TENT4B: variants seen among roughly 807,000 people sequenced by gnomAD.
The protein encoded by TENT4B is PAP associated domain containing 5.
In TENT4B, 10 loss-of-function variants were observed where a neutral mutation model predicts 75.0. The observed-to-expected ratio is 0.13, with a 90% CI of 0.08 to 0.23. The LOEUF is 0.23. TENT4B is among the 10% of genes least tolerant of loss of function. TENT4B has a pLI of 1.00. For missense variants in TENT4B, 579 were observed against 893.8 expected, an observed-to-expected ratio of 0.65 and a Z score of 4.49; for synonymous variants, 350 against 357.7, an observed-to-expected ratio of 0.98 and a Z score of 0.24.
In TENT4B at chr16:50,235,216, T is replaced by TAGAAATGCAA; in HGVS notation, c.*5888_*5889insAGAAATGCAA. The TAGAAATGCAA allele has an allele frequency of 4.9e-6, 1 of 206,010 alleles. No homozygotes were observed. The highest frequency in any genetic ancestry group is 8.5e-6 in the Non-Finnish European group (1 of 117,188). 12.8% of individuals were successfully genotyped at this position (206,010 alleles called of 1,614,324 possible). ...TGCCTTGGAAATTTTATAAATTGCA[T>TAGAAATGCAA]TTCTATGCACATCGGCCTCTAGTGC... is the stretch of plus-strand genomic sequence containing the variant. On this transcript the variant is annotated 3_prime_UTR_variant, in exon 12 of 12. Coordinates refer to ENST00000561678, the MANE Select transcript of TENT4B (RefSeq NM_001365324.3).
chr16:50,169,520 T>G (rs1177258467), intron 1 of TENT4B, among the ~76,000 whole-genome samples: 1 of 151,828 alleles, frequency 6.6e-6, no homozygotes, highest in Non-Finnish European at 1.5e-5. Context: ...ATTTATTAAT[T>G]CATTATTTGG....
chr16:50,209,466 T>C (rs540971551), intron 1 of TENT4B, among the ~76,000 whole-genome samples: 65 of 152,326 alleles, frequency 4.3e-4, no homozygotes, highest in Non-Finnish European at 6.8e-4. Context: ...AAACGGAAGT[T>C]GAAGGTCCTG....
At chr16:50,226,102 C>T (rs919459052) in intron 10 of TENT4B, among the ~76,000 whole-genome samples, 34 of 151,784 alleles carry the variant, frequency 2.2e-4, no homozygotes, top group African/African-American at 2.9e-4. Context: ...TGGGTTCAAG[C>T]GATTCTCCTG....
chr16:50,223,137 C>A, intron 6 of TENT4B, 37 bp from the exon 7 acceptor site: 1 of 1,478,600 alleles, frequency 6.8e-7, no homozygotes, highest in Non-Finnish European at 9.2e-7. Context: ...GATAATTTAG[C>A]AAAAATCCAA....
intron 1 of TENT4B, among the ~76,000 whole-genome samples, chr16:50,156,158 A>G (rs1000647428): frequency 2.0e-5 from 3 of 152,146 alleles, no homozygotes; most frequent in Non-Finnish European, 2.9e-5. Context: ...AAAACTGCTT[A>G]TCACTTCACC....
intron 1 of TENT4B, among the ~76,000 whole-genome samples, chr16:50,196,523 TC>T (rs1428640109): frequency 6.6e-6 from 1 of 151,326 alleles, no homozygotes; most frequent in Non-Finnish European, 1.5e-5. Flanking sequence ...ATCATCATCA[TC>T]ATCTCCTTCA....
chr16:50,225,302 C>T lies in TENT4B; in HGVS notation c.1800+17C>T, dbSNP rs375486130. ...AGTGATGTAGTAAGTATGAAAGCCT[C>T]GGCTCTTCTGAACTCAGATGCATGC... On this transcript the variant is annotated intron_variant, in intron 10 of 11. Transcript: ENST00000561678. The T allele has an allele frequency of 4.3e-4, 689 of 1,595,414 alleles. 2 individuals carry two copies. The African/African-American group carries it at 8.3e-3, about 19-fold the overall frequency.
At chr16:50,171,577 CCAAGGCA>C (rs1567481475) in intron 1 of TENT4B, among the ~76,000 whole-genome samples, 24 of 151,786 alleles carry the variant, frequency 1.6e-4, no homozygotes, top group Admixed American at 7.9e-4. Flanking sequence ...TTTTTCTTGC[CCAAGGCA>C]TATACGGTTG....
At position 50,228,037 on chromosome 16, in the gene TENT4B, T is replaced by A. The variant is rs761795368; in HGVS notation, c.1965+34T>A. On this transcript the variant is annotated intron_variant, in intron 11 of 11. Coordinates refer to ENST00000561678, the MANE Select transcript of TENT4B (RefSeq NM_001365324.3). ...AACGTGGGTTTTTAATTGTTAGTAT[T>A]TGATACAAAATATTTAGAATTTCCC... 1.9e-6 allele frequency: 3 copies of A among 1,593,040 alleles called. No homozygotes were observed. In the African/African-American group the frequency reaches 4.0e-5, roughly 21 times the overall value.
At chr16:50,177,468 CT>C (rs1449038630) in intron 1 of TENT4B, among the ~76,000 whole-genome samples, 2 of 152,086 alleles carry the variant, frequency 1.3e-5, no homozygotes, top group Non-Finnish European at 2.9e-5. Flanking sequence ...TACATTGTGT[CT>C]TTCAAGAAAT....
intron 1 of TENT4B, among the ~76,000 whole-genome samples, chr16:50,167,265 G>GT (rs1267643185): frequency 1.3e-5 from 2 of 152,142 alleles, no homozygotes; most frequent in Non-Finnish European, 2.9e-5. Flanking sequence ...AAGTTTACAA[G>GT]TTTATGTTGG....
chr16:50,233,807 T>G lies in TENT4B; in HGVS notation c.*4479T>G. 1 of 985,434 alleles carries G rather than the reference T, an allele frequency of 1.0e-6. No homozygotes were observed. The highest frequency in any genetic ancestry group is 1.2e-6 in the Non-Finnish European group (1 of 829,916). The allele number at this position is 985,434 out of a possible 1,614,324, so 61.0% of individuals were successfully genotyped here. A position where few individuals can be genotyped will look rare whatever the true frequency, so the allele number is the denominator to read the frequency against. On this transcript the variant is annotated 3_prime_UTR_variant, in exon 12 of 12. Transcript: ENST00000561678. ...AAGGAGACAGAACCAGAGAGATGGA[T>G]GTAGTGCATTCCCTTTGGTTATTAC... is the stretch of plus-strand genomic sequence containing the variant.
rs577496155 is a variant in TENT4B, at chr16:50,230,120, T to TA, written c.*805dup. ...GGCAAATGATGTTTATTTTATTTTG[T>TA]AAAAAAAAAAAAATGTACTATGTAC... On this transcript the variant is annotated 3_prime_UTR_variant, in exon 12 of 12. Transcript: ENST00000561678. 0.02 allele frequency: 14,167 copies of TA among 697,194 alleles called. No individual in the cohort carries two copies. The highest frequency in any genetic ancestry group is 0.025 in the Middle Eastern group (35 of 1,392). The allele number at this position is 697,194 out of a possible 1,614,324, so 43.2% of individuals were successfully genotyped here.
At chr16:50,218,684 TAA>T (rs1359475374) in intron 5 of TENT4B, among the ~76,000 whole-genome samples, 1 of 152,136 alleles carries the variant, frequency 6.6e-6, no homozygotes, top group Non-Finnish European at 1.5e-5. Flanking sequence ...GGAAATAGGT[TAA>T]GAGTTTTAAG....
At chr16:50,191,468 C>G (rs937427306) in intron 1 of TENT4B, among the ~76,000 whole-genome samples, 2 of 152,074 alleles carry the variant, frequency 1.3e-5, no homozygotes, top group African/African-American at 4.8e-5. Context: ...GAGATGGCAT[C>G]TTACTGTGTT....
chr16:50,191,053 T>G (rs1198109506), intron 1 of TENT4B, among the ~76,000 whole-genome samples: 1 of 151,728 alleles, frequency 6.6e-6, no homozygotes, highest in Non-Finnish European at 1.5e-5. Flanking sequence ...TGACTTTCCT[T>G]TTAAGGTTGA....
chr16:50,152,956 C>A (rs547285140), upstream of TENT4B: 8 of 1,506,250 alleles, frequency 5.3e-6, no homozygotes, highest in Non-Finnish European at 7.1e-6. Context: ...AACCTCCATG[C>A]GGCCTCGTCC....
intron 3 of TENT4B, among the ~76,000 whole-genome samples, chr16:50,215,584 C>T (rs558984445): frequency 5.3e-5 from 8 of 152,234 alleles, no homozygotes; most frequent in Non-Finnish European, 7.4e-5. Flanking sequence ...TTGGAACAGC[C>T]GCTTTTACCA....
upstream of TENT4B, chr16:50,153,014 G>A (rs539232823): frequency 8.1e-5 from 123 of 1,516,756 alleles, no homozygotes; most frequent in African/African-American, 1.6e-3. Flanking sequence ...GCGCGCCTCA[G>A]AAGCTCCCGG....
Sources: allele counts gnomAD v4.1 joint callset (sites outside exome capture counted in the v4.1 genomes callset), GRCh38; gene constraint gnomAD v4.1.1; transcripts MANE v1.5; gene names NCBI Gene and HGNC (gene_info 2026-07-23, HGNC 2026-07-21).